The following TRIM9 variants were observed in gnomAD, a reference collection of about 807,000 sequenced individuals.
The protein encoded by TRIM9 is E3 ubiquitin-protein ligase TRIM9.
In TRIM9, 26 loss-of-function variants were observed where a neutral mutation model predicts 78.3. That is an observed-to-expected ratio of 0.33 (90% confidence interval 0.24 to 0.46). The LOEUF (loss-of-function observed/expected upper bound fraction) is 0.46, where lower values mean the gene tolerates loss of function less well. Ranked by LOEUF, TRIM9 falls within the 20% of genes least tolerant of loss-of-function variation. The pLI is 1.00. For synonymous variants in TRIM9, 398 were observed against 416.5 expected (o/e 0.96, Z 0.54); for missense variants, 787 against 1,036.4 (o/e 0.76, Z 3.30).
intron 12 of TRIM9, among the ~76,000 whole-genome samples, chr14:50,977,586 C>T (rs1475356827): frequency 2.0e-5 from 3 of 152,164 alleles, no homozygotes; most frequent in African/African-American, 7.2e-5. Flanking sequence ...TCTTAGTCAC[C>T]TGCCTCTTTT....
chr14:51,015,500 C>CTTTTT (rs1365183081), intron 3 of TRIM9, among the ~76,000 whole-genome samples: 2 of 103,484 alleles, frequency 1.9e-5, no homozygotes, highest in African/African-American at 8.0e-5. Context: ...TCTTTCTTTA[C>CTTTTT]TTTTCTTTTT....
chr14:51,064,901 G>A (rs1341567324), intron 1 of TRIM9, among the ~76,000 whole-genome samples: 5 of 151,792 alleles, frequency 3.3e-5, no homozygotes, highest in Non-Finnish European at 7.4e-5. Flanking sequence ...CATAAATATT[G>A]AAATCATTAT....
At position 51,045,644 on chromosome 14, in the gene TRIM9, G is replaced by A. The variant is rs1019987729; in HGVS notation, c.823-20284C>T. 3.9e-5 allele frequency among the ~76,000 whole-genome samples: 6 copies of A among 152,244 alleles called. No individual in the cohort carries two copies. In the East Asian group the frequency reaches 7.7e-4, roughly 20 times the overall value. On this transcript the variant is annotated intron_variant, in intron 1 of 12. Transcript: ENST00000684578. Reference sequence around the variant, plus strand: ...TACTGTCATTATTGTGGCATTGTTTGCTTTATCTTTAATACCTTCATTAAA... The same window carrying A: ...TACTGTCATTATTGTGGCATTGTTTACTTTATCTTTAATACCTTCATTAAA...
intron 1 of TRIM9, among the ~76,000 whole-genome samples, chr14:51,061,191 T>A (rs1347334276): frequency 1.3e-5 from 2 of 152,140 alleles, no homozygotes; most frequent in African/African-American, 2.4e-5. Context: ...AGCAGGTGGA[T>A]CACCTGCGGT....
At chr14:51,046,693 G>C (rs1313947515) in intron 1 of TRIM9, among the ~76,000 whole-genome samples, 2 of 152,136 alleles carry the variant, frequency 1.3e-5, no homozygotes, top group Non-Finnish European at 2.9e-5. Flanking sequence ...GCAGACTTTG[G>C]AACCAGACTC....
chr14:51,023,100 G>A (rs1231692365), intron 2 of TRIM9, 143 bp from the exon 3 acceptor site: 3 of 1,111,376 alleles, frequency 2.7e-6, no homozygotes, highest in Non-Finnish European at 3.8e-6. Context: ...AAAAATAACT[G>A]GATAAACTTT....
chr14:50,984,899 AC>A (rs1304143645), intron 8 of TRIM9, among the ~76,000 whole-genome samples: 6 of 152,234 alleles, frequency 3.9e-5, no homozygotes, highest in South Asian at 2.1e-4. Flanking sequence ...GCCATAGTGC[AC>A]AGAAAAACAA....
intron 1 of TRIM9, among the ~76,000 whole-genome samples, chr14:51,043,896 C>T (rs905484599): frequency 9.2e-5 from 14 of 151,986 alleles, no homozygotes; most frequent in East Asian, 7.7e-4. Flanking sequence ...CATGTGCATA[C>T]GTTTAAATTA....
At chr14:51,087,832 T>C (rs1461124891) in intron 1 of TRIM9, among the ~76,000 whole-genome samples, 2 of 152,248 alleles carry the variant, frequency 1.3e-5, no homozygotes, top group African/African-American at 2.4e-5. Flanking sequence ...TATTTTTGTA[T>C]ACCACAGATT....
rs927608332 is a variant in TRIM9 at position 50,975,363 on chromosome 14, A to T, written c.*1928T>A. The T allele has an allele frequency of 2.6e-5, 4 of 152,704 alleles. No individual in the cohort carries two copies. Among genetic ancestry groups the T allele is most frequent in the African/African-American group, 9.6e-5 (4 of 41,466 alleles). 9.5% of individuals were successfully genotyped at this position (152,704 alleles called of 1,614,324 possible). ...GTAATTGCAATTCAGTGTAAACTAC[A>T]TGTTACAAGTCACTAGAAATCTAAT... is the stretch of plus-strand genomic sequence containing the variant. On this transcript the variant is annotated 3_prime_UTR_variant, in exon 13 of 13. Coordinates refer to ENST00000684578, the MANE Select transcript of TRIM9 (RefSeq NM_001387360.1).
chr14:51,077,217 C>A (rs186102526), intron 1 of TRIM9, among the ~76,000 whole-genome samples: 1 of 152,212 alleles, frequency 6.6e-6, no homozygotes, highest in East Asian at 1.9e-4. Flanking sequence ...AGTGTAATGG[C>A]ATACATATTC....
At chr14:51,020,100 A>G (rs1889859136) in intron 3 of TRIM9, among the ~76,000 whole-genome samples, 1 of 152,176 alleles carries the variant, frequency 6.6e-6, no homozygotes, top group South Asian at 2.1e-4. Context: ...ACTCAGCCAA[A>G]GGGAAGCGGA....
intron 1 of TRIM9, among the ~76,000 whole-genome samples, chr14:51,047,819 A>G (rs1258325627): frequency 1.3e-5 from 2 of 152,358 alleles, no homozygotes; most frequent in South Asian, 2.1e-4. Context: ...ACACAAATTT[A>G]TACTTCATTC....
intron 1 of TRIM9, among the ~76,000 whole-genome samples, chr14:51,071,547 C>T (rs957027746): frequency 2.2e-4 from 33 of 152,096 alleles, no homozygotes; most frequent in African/African-American, 8.0e-4. Context: ...CACCTGTAAT[C>T]CCACCACTTT....
At chr14:51,046,602 GA>G (rs959316298) in intron 1 of TRIM9, among the ~76,000 whole-genome samples, 12 of 152,250 alleles carry the variant, frequency 7.9e-5, no homozygotes, top group Admixed American at 7.2e-4. Flanking sequence ...CTATAATGGA[GA>G]ATTTTAAAAA....
At position 51,011,964 on chromosome 14, in the gene TRIM9, C is replaced by A. The variant is rs149417346; in HGVS notation, c.1042-1470G>T. On this transcript the variant is annotated intron_variant, in intron 3 of 12. Coordinates refer to ENST00000684578, the MANE Select transcript of TRIM9 (RefSeq NM_001387360.1). ...AGTGGGTAATCTTAATTTGCTTAAT[C>A]ATTCCTGTTCTCTTATTATTGGGCA... Among the ~76,000 whole-genome samples the A allele has an allele frequency of 5.9e-3, 901 of 152,248 alleles. 6 individuals are homozygous for A. Among genetic ancestry groups the A allele is most frequent in the African/African-American group, 0.02 (843 of 41,548 alleles).
intron 3 of TRIM9, among the ~76,000 whole-genome samples, chr14:51,018,742 G>A (rs1481343018): frequency 6.6e-6 from 1 of 152,170 alleles, no homozygotes; most frequent in Non-Finnish European, 1.5e-5. Flanking sequence ...TCCTCGCTGA[G>A]TAATTTTGTT....
At chr14:51,023,241 A>G (rs1370996725) in intron 2 of TRIM9, among the ~76,000 whole-genome samples, 2 of 152,172 alleles carry the variant, frequency 1.3e-5, no homozygotes, top group African/African-American at 4.8e-5. Flanking sequence ...TAGTTCATAG[A>G]GTTGTTTATG....
chr14:51,024,490 C>G (rs546399795), intron 2 of TRIM9, among the ~76,000 whole-genome samples: 1 of 152,262 alleles, frequency 6.6e-6, no homozygotes, highest in East Asian at 1.9e-4. Flanking sequence ...TACTGGAGGC[C>G]AGAACTAAGG....
Sources: allele counts gnomAD v4.1 joint callset (sites outside exome capture counted in the v4.1 genomes callset), GRCh38; gene constraint gnomAD v4.1.1; transcripts MANE v1.5; gene names NCBI Gene and HGNC (gene_info 2026-07-23, HGNC 2026-07-21).